Variants in EXOC4 observed in about 807,000 individuals in gnomAD.
EXOC4 encodes exocyst complex component 4, also known as SEC8-like 1.
In EXOC4, 71 loss-of-function variants were observed where a neutral mutation model predicts 107.2. The observed-to-expected ratio is 0.66, with a 90% CI of 0.55 to 0.81. EXOC4 has a LOEUF of 0.81. EXOC4 is among the 30% of genes least tolerant of loss of function. The pLI is 0.00. For synonymous variants in EXOC4, 456 were observed against 441.2 expected (o/e 1.03, Z -0.42); for missense variants, 1,108 against 1,189.6 (o/e 0.93, Z 1.01).
At chr7:133,552,135 A>G (rs1800602005) in intron 9 of EXOC4, among the ~76,000 whole-genome samples, 1 of 152,174 alleles carries the variant, frequency 6.6e-6, no homozygotes, top group South Asian at 2.1e-4. Context: ...CATTCTGACT[A>G]CATGATATTG....
chr7:133,406,278 A>G (rs1486475706), intron 7 of EXOC4, among the ~76,000 whole-genome samples: 2 of 152,192 alleles, frequency 1.3e-5, no homozygotes, highest in Non-Finnish European at 2.9e-5. Flanking sequence ...ATACTGCACT[A>G]CATCCATGGG....
intron 17 of EXOC4, among the ~76,000 whole-genome samples, chr7:134,012,883 C>T (rs981504201): frequency 6.6e-6 from 1 of 152,114 alleles, no homozygotes; most frequent in East Asian, 1.9e-4. Context: ...TCCCAGAAGT[C>T]AAGGGAAGTG....
chr7:134,044,386 T>C (rs898116429), intron 17 of EXOC4, among the ~76,000 whole-genome samples: 1 of 152,186 alleles, frequency 6.6e-6, no homozygotes, highest in African/African-American at 2.4e-5. Flanking sequence ...GAACCTCTGC[T>C]GCGTCCTGCC....
chr7:133,959,706 A>G (rs77306463), intron 14 of EXOC4, among the ~76,000 whole-genome samples: 2 of 142,444 alleles, frequency 1.4e-5, no homozygotes, highest in African/African-American at 5.3e-5. Context: ...CTGTCAGAAG[A>G]AAAAAAAAAT....
intron 17 of EXOC4, among the ~76,000 whole-genome samples, chr7:134,026,742 T>C (rs1386505356): frequency 2.0e-5 from 3 of 152,162 alleles, no homozygotes; most frequent in Non-Finnish European, 4.4e-5. Flanking sequence ...TGGGTTGAAA[T>C]CGTTAGAGAA....
chr7:134,074,497 G>A, the EXOC4 span, among the ~76,000 whole-genome samples: 1 of 152,230 alleles, frequency 6.6e-6, no homozygotes, highest in Non-Finnish European at 1.5e-5. Context: ...AATAACACCT[G>A]TTGTGGATTC....
At chr7:133,586,789 G>C (rs1269480515) in intron 9 of EXOC4, among the ~76,000 whole-genome samples, 2 of 152,034 alleles carry the variant, frequency 1.3e-5, no homozygotes, top group Admixed American at 6.6e-5. Flanking sequence ...TGTCAGCTGT[G>C]CCCTCACCTC....
At chr7:133,785,149 C>T (rs984561875) in intron 10 of EXOC4, among the ~76,000 whole-genome samples, 3 of 152,178 alleles carry the variant, frequency 2.0e-5, no homozygotes, top group African/African-American at 7.2e-5. Flanking sequence ...GAGAAAGGAA[C>T]TTCTATTTAT....
At chr7:133,750,488 G>A (rs544873271) in intron 10 of EXOC4, among the ~76,000 whole-genome samples, 16 of 152,222 alleles carry the variant, frequency 1.1e-4, no homozygotes, top group African/African-American at 3.6e-4. Context: ...GGTGCTTCAT[G>A]CTGTGAGGAA....
chr7:133,433,799 A>T (rs2059376), intron 7 of EXOC4, among the ~76,000 whole-genome samples: 1 of 152,002 alleles, frequency 6.6e-6, no homozygotes, highest in East Asian at 1.9e-4. Flanking sequence ...TTGAAAGCTC[A>T]CTTTAAAGAA....
At chr7:133,464,798 G>GTTTGT (rs377053128) in intron 7 of EXOC4, among the ~76,000 whole-genome samples, 1 of 34,912 alleles carries the variant, frequency 2.9e-5, no homozygotes, top group East Asian at 6.2e-4. Context: ...TTTTTTTTTT[G>GTTTGT]TTGGTTGGGT....
intron 9 of EXOC4, among the ~76,000 whole-genome samples, chr7:133,516,571 A>T (rs764694298): frequency 2.6e-5 from 4 of 151,922 alleles, no homozygotes; most frequent in Non-Finnish European, 5.9e-5. Flanking sequence ...ATATCTCTTC[A>T]TGAACTGTTG....
chr7:133,837,882 G>A (rs1797949785), intron 11 of EXOC4, among the ~76,000 whole-genome samples: 1 of 152,212 alleles, frequency 6.6e-6, no homozygotes, highest in Non-Finnish European at 1.5e-5. Flanking sequence ...GATATTGAAT[G>A]TAAATACAGT....
intron 2 of EXOC4, among the ~76,000 whole-genome samples, chr7:133,282,159 T>G (rs1794172028): frequency 6.6e-6 from 1 of 152,244 alleles, no homozygotes; most frequent in Admixed American, 6.5e-5. Context: ...CACCCCTTTA[T>G]CTTTTCCAAA....
chr7:133,640,637 C>G (rs1339078760), intron 10 of EXOC4, among the ~76,000 whole-genome samples: 4 of 152,134 alleles, frequency 2.6e-5, no homozygotes, highest in Admixed American at 2.6e-4. Flanking sequence ...GCCACATTCT[C>G]TTCATGATGA....
At chr7:133,964,402 A>T (rs977533603) in intron 14 of EXOC4, among the ~76,000 whole-genome samples, 1 of 151,938 alleles carries the variant, frequency 6.6e-6, no homozygotes, top group African/African-American at 2.4e-5. Context: ...CTAGGTATAC[A>T]CGGGCCATGG....
At chr7:134,066,553 A>G (rs1183724132), downstream of EXOC4, 2 of 152,172 alleles carry the variant, frequency 1.3e-5, no homozygotes, top group Admixed American at 6.5e-5. Context: ...AGGACATCCA[A>G]GTTTCTTTGA....
intron 7 of EXOC4, among the ~76,000 whole-genome samples, chr7:133,389,852 C>T (rs939255977): frequency 4.1e-5 from 6 of 147,104 alleles, no homozygotes; most frequent in Admixed American, 6.9e-5. Context: ...CATGGCGGAA[C>T]GCAAGGAGGA....
intron 10 of EXOC4, among the ~76,000 whole-genome samples, chr7:133,816,761 C>A (rs1318562260): frequency 6.6e-6 from 1 of 152,186 alleles, no homozygotes; most frequent in Non-Finnish European, 1.5e-5. Flanking sequence ...AGATCCCTCA[C>A]ATGCACAGCT....
Sources: gnomAD v4.1 joint callset for allele counts (sites outside exome capture counted in the v4.1 genomes callset) on GRCh38, gnomAD v4.1.1 for gene constraint, MANE v1.5 for transcripts, NCBI Gene and HGNC (gene_info 2026-07-23, HGNC 2026-07-21) for gene names.